PAPPA2: variants seen among roughly 807,000 people sequenced by gnomAD.
PAPPA2 encodes pappalysin-2.
Under a neutral mutation model 176.4 loss-of-function variants are expected in PAPPA2, and 86 were observed. The observed-to-expected ratio is 0.49, with a 90% CI of 0.41 to 0.58. The LOEUF (loss-of-function observed/expected upper bound fraction) is 0.58. PAPPA2 is among the 20% of genes least tolerant of loss of function. The pLI is 0.00. For synonymous variants in PAPPA2, 809 were observed against 852.2 expected (o/e 0.95, Z 0.88); for missense variants, 2,073 against 2,256.9 (o/e 0.92, Z 1.65).
rs1181754732 is a variant in PAPPA2, at chr1:176,844,149, T to C, written c.*1695T>C. The C allele has an allele frequency of 8.1e-6, 1 of 123,968 alleles. No homozygotes were observed. Among genetic ancestry groups the C allele is most frequent in the Non-Finnish European group, 1.7e-5 (1 of 59,378 alleles). The allele number at this position is 123,968 out of a possible 1,614,324, so 7.7% of individuals were successfully genotyped here. ...TTTCTGTTTAACATTCTAGTTTTAC[T>C]CATTTTAGGAAGGCTGTGAGTGAGG... On this transcript the variant is annotated 3_prime_UTR_variant, in exon 23 of 23. Coordinates refer to ENST00000367662, the MANE Select transcript of PAPPA2 (RefSeq NM_020318.3).
intron 1 of PAPPA2, among the ~76,000 whole-genome samples, chr1:176,495,880 G>A (rs767434106): frequency 3.6e-4 from 55 of 151,488 alleles, no homozygotes; most frequent in South Asian, 1.3e-3. Flanking sequence ...CGATCCTCCC[G>A]CTCCATCTTC....
intron 3 of PAPPA2, among the ~76,000 whole-genome samples, chr1:176,639,147 G>GA (rs1278316253): frequency 2.0e-5 from 3 of 152,022 alleles, no homozygotes; most frequent in Non-Finnish European, 2.9e-5. Context: ...AATGCCAGAT[G>GA]AAAAAAACTA....
intron 1 of PAPPA2, among the ~76,000 whole-genome samples, chr1:176,499,575 A>G (rs1195224461): frequency 2.6e-5 from 4 of 152,106 alleles, no homozygotes; most frequent in Non-Finnish European, 5.9e-5. Flanking sequence ...TGTATTTATG[A>G]TCTCCTGAGT....
At chr1:176,818,614 T>G (rs78827127) in intron 21 of PAPPA2, among the ~76,000 whole-genome samples, 1 of 21,428 alleles carries the variant, frequency 4.7e-5, no homozygotes, top group African/African-American at 1.1e-3. Context: ...ACTGCCCCCC[T>G]GGTATGAGCC....
chr1:176,707,139 A>G (rs1376627717), intron 10 of PAPPA2, among the ~76,000 whole-genome samples: 1 of 152,232 alleles, frequency 6.6e-6, no homozygotes, highest in East Asian at 1.9e-4. Context: ...TCATCTGCAT[A>G]GATTGCAATG....
chr1:176,810,359 C>T (rs778841159), intron 21 of PAPPA2, among the ~76,000 whole-genome samples: 9 of 152,044 alleles, frequency 5.9e-5, no homozygotes, highest in Non-Finnish European at 4.4e-5. Context: ...CTGGAACCAG[C>T]GACTAGTTTC....
chr1:176,646,567 A>T, intron 3 of PAPPA2, among the ~76,000 whole-genome samples: 1 of 147,542 alleles, frequency 6.8e-6, no homozygotes, highest in Non-Finnish European at 1.5e-5. Flanking sequence ...CCCCACTATC[A>T]TTCCCTGCCT....
At chr1:176,569,521 T>C (rs1652193881) in intron 2 of PAPPA2, among the ~76,000 whole-genome samples, 1 of 152,224 alleles carries the variant, frequency 6.6e-6, no homozygotes, top group African/African-American at 2.4e-5. Context: ...AAACCTACCG[T>C]AATTTCCATT....
chr1:176,839,312 A>AT lies in PAPPA2; in HGVS notation c.5203-855dup, dbSNP rs1376896792. On this transcript the variant is annotated intron_variant, in intron 21 of 22. Coordinates refer to ENST00000367662, the MANE Select transcript of PAPPA2 (RefSeq NM_020318.3). ...AAATAATGCATTGGGCTGCTGAGCT[A>AT]TTTTTTAACAACTTGTTGCTGTTCT... Among the ~76,000 whole-genome samples, 4 of 152,140 alleles carry AT rather than the reference A, an allele frequency of 2.6e-5. No individual in the cohort carries two copies. The East Asian group carries it at 5.8e-4, about 22-fold the overall frequency.
At chr1:176,473,446 G>A (rs1214958556) in intron 1 of PAPPA2, among the ~76,000 whole-genome samples, 1 of 152,110 alleles carries the variant, frequency 6.6e-6, no homozygotes, top group Non-Finnish European at 1.5e-5. Flanking sequence ...AGATATCTTG[G>A]TTGCTGCAAA....
intron 1 of PAPPA2, among the ~76,000 whole-genome samples, chr1:176,500,616 T>C (rs1434247483): frequency 6.6e-6 from 1 of 151,748 alleles, no homozygotes; most frequent in Non-Finnish European, 1.5e-5. Context: ...ACACTTGTAA[T>C]TTAGGCCTAT....
At chr1:176,651,535 A>G (rs60316773) in intron 3 of PAPPA2, among the ~76,000 whole-genome samples, 10,046 of 151,688 alleles carry the variant, frequency 0.066, 369 homozygotes, top group South Asian at 0.14. Context: ...TGCTTCTTTT[A>G]GAATCCTTTC....
At chr1:176,693,284 A>G (rs765958702) in intron 6 of PAPPA2, among the ~76,000 whole-genome samples, 14 of 152,246 alleles carry the variant, frequency 9.2e-5, no homozygotes, top group Non-Finnish European at 1.6e-4. Context: ...TCTTTGCAGT[A>G]AACGCAGTTC....
At chr1:176,600,943 GTTCAATCTTCCTGCTATGGTTCCAA>G (rs1273633937) in intron 3 of PAPPA2, among the ~76,000 whole-genome samples, 1 of 152,160 alleles carries the variant, frequency 6.6e-6, no homozygotes, top group Non-Finnish European at 1.5e-5. Flanking sequence ...CCCAAATCCT[GTTCAATCTTCCTGCTATGGTTCCAA>G]TGTGTCTCCC....
chr1:176,722,078 T>C (rs1211286993), intron 12 of PAPPA2, among the ~76,000 whole-genome samples: 1 of 152,194 alleles, frequency 6.6e-6, no homozygotes, highest in Non-Finnish European at 1.5e-5. Context: ...AGAATGCCTA[T>C]TCAATTTTTC....
At chr1:176,819,706 GTGATACATCC>G (rs1373471902) in intron 21 of PAPPA2, among the ~76,000 whole-genome samples, 1 of 152,194 alleles carries the variant, frequency 6.6e-6, no homozygotes, top group Non-Finnish European at 1.5e-5. Flanking sequence ...CATACTGCAG[GTGATACATCC>G]TGTGTGCTGC....
At chr1:176,671,234 T>C (rs1245518655) in intron 4 of PAPPA2, 119 bp downstream of exon 4, 43 of 1,342,540 alleles carry the variant, frequency 3.2e-5, no homozygotes, top group Non-Finnish European at 4.0e-5. Context: ...CACAGTGAAT[T>C]AACTGCTTTG....
chr1:176,740,437 T>C (rs1662624007), intron 14 of PAPPA2, among the ~76,000 whole-genome samples: 1 of 152,202 alleles, frequency 6.6e-6, no homozygotes, highest in Non-Finnish European at 1.5e-5. Context: ...TTAATGTCTT[T>C]ACAAGGTCTT....
intron 2 of PAPPA2, among the ~76,000 whole-genome samples, chr1:176,561,901 G>A (rs1335768222): frequency 6.6e-6 from 1 of 152,192 alleles, no homozygotes; most frequent in Admixed American, 6.5e-5. Context: ...TGAATGAGGA[G>A]GAAAGTCATG....
Sources: gnomAD v4.1 joint callset for allele counts (sites outside exome capture counted in the v4.1 genomes callset) on GRCh38, gnomAD v4.1.1 for gene constraint, MANE v1.5 for transcripts, NCBI Gene and HGNC (gene_info 2026-07-23, HGNC 2026-07-21) for gene names.